The following WDR26 variants were observed in gnomAD, a reference collection of about 807,000 sequenced individuals.
The protein encoded by WDR26 is WD repeat domain 26.
A neutral mutation model predicts 84.1 loss-of-function variants in WDR26; 5 were observed. The observed-to-expected ratio is 0.06, with a 90% CI of 0.03 to 0.13. The LOEUF (loss-of-function observed/expected upper bound fraction) is 0.13, where lower values mean the gene tolerates loss of function less well. Ranked by LOEUF, WDR26 falls within the 10% of genes least tolerant of loss-of-function variation. WDR26 has a pLI of 1.00. For missense variants in WDR26, 642 were observed against 974.9 expected, an observed-to-expected ratio of 0.66 and a Z score of 4.55; for synonymous variants, 415 against 389.6, an observed-to-expected ratio of 1.07 and a Z score of -0.77.
At chr1:224,410,057 G>C (rs1047607356) in intron 7 of WDR26, among the ~76,000 whole-genome samples, 6 of 151,950 alleles carry the variant, frequency 3.9e-5, no homozygotes, top group African/African-American at 1.5e-4. Context: ...GAGGAGGGCA[G>C]ATCACCTGAG....
At chr1:224,407,604 G>GT (rs764631285) in intron 7 of WDR26, among the ~76,000 whole-genome samples, 39 of 151,168 alleles carry the variant, frequency 2.6e-4, no homozygotes, top group Non-Finnish European at 5.2e-4. Context: ...CGCCTCCCAG[G>GT]TTCAAGCAAT....
intron 10 of WDR26, 53 bp downstream of exon 10, chr1:224,398,836 C>T: frequency 3.1e-6 from 5 of 1,602,028 alleles, no homozygotes; most frequent in South Asian, 1.1e-5. Flanking sequence ...TTCCACTACA[C>T]ATTTGAATAT....
chr1:224,391,102 T>C (rs994545445), intron 13 of WDR26, among the ~76,000 whole-genome samples: 1 of 151,858 alleles, frequency 6.6e-6, no homozygotes, highest in Non-Finnish European at 1.5e-5. Context: ...AAAAATATCA[T>C]GCCTGTAATC....
Position 224,411,164 on chromosome 1 carries a change from G to T in WDR26, c.1458+263C>A, listed in dbSNP as rs189869739. Among the ~76,000 whole-genome samples, 77 of 152,274 alleles carry T rather than the reference G, an allele frequency of 5.1e-4. 1 individual carries two copies. The highest frequency in any genetic ancestry group is 1.8e-3 in the African/African-American group (73 of 41,540). Reference sequence around the variant, plus strand: ...CCTCATCTGACTGCAGGAGATGTTAGCACCTCACAGAGTTTTTCAGAATAT... The same window carrying T: ...CCTCATCTGACTGCAGGAGATGTTATCACCTCACAGAGTTTTTCAGAATAT... On this transcript the variant is annotated intron_variant, in intron 7 of 13. Transcript: ENST00000414423.
At position 224,389,277 on chromosome 1, in the gene WDR26, C is replaced by G. The variant is rs1039406782; in HGVS notation, c.*558G>C. 13 of 169,310 alleles carry G rather than the reference C, an allele frequency of 7.7e-5. No individual in the cohort carries two copies. The highest frequency in any genetic ancestry group is 6.4e-4 in the Admixed American group (10 of 15,746). 10.5% of individuals were successfully genotyped at this position (169,310 alleles called of 1,614,324 possible). A position where few individuals can be genotyped will look rare whatever the true frequency, so the allele number is the denominator to read the frequency against. On this transcript the variant is annotated 3_prime_UTR_variant, in exon 14 of 14. Transcript: ENST00000414423. ...TTGACATAGTTCACTGGTTTATCAT[C>G]TGGATCAGTATATACTGCGCAACGG...
At chr1:224,412,071 A>G (rs1673756020) in intron 6 of WDR26, among the ~76,000 whole-genome samples, 1 of 152,162 alleles carries the variant, frequency 6.6e-6, no homozygotes, top group African/African-American at 2.4e-5. Context: ...CTCACTCACA[A>G]GCTTTAATGT....
At chr1:224,426,819 G>A (rs565546534) in intron 3 of WDR26, among the ~76,000 whole-genome samples, 15 of 151,672 alleles carry the variant, frequency 9.9e-5, no homozygotes, top group Admixed American at 7.2e-4. Context: ...TCATTCCACC[G>A]GGTGTGGTGG....
chr1:224,406,746 T>G (rs1024383298), intron 7 of WDR26, among the ~76,000 whole-genome samples: 2 of 152,078 alleles, frequency 1.3e-5, no homozygotes, highest in Non-Finnish European at 2.9e-5. Context: ...CTCAAGATCT[T>G]CCAGGAACAA....
rs1421811747 is a variant in WDR26 at position 224,407,199 on chromosome 1, GA to G, written c.1459-2630del. 4.4e-4 allele frequency among the ~76,000 whole-genome samples: 42 copies of G among 96,320 alleles called. 2 individuals are homozygous for G. Among genetic ancestry groups the G allele is most frequent in the African/African-American group, 1.6e-3 (40 of 24,474 alleles). The allele number at this position is 96,320 out of a possible 152,430, so 63.2% of individuals were successfully genotyped here. Reference sequence around the variant, plus strand: ...CTCAAAAACTTTTATGTACATGAATGAAAAAAATATAATCCTATAAAAGATA... The same window carrying G: ...CTCAAAAACTTTTATGTACATGAATGAAAAAATATAATCCTATAAAAGATA... On this transcript the variant is annotated intron_variant, in intron 7 of 13. Transcript: ENST00000414423.
At chr1:224,424,818 G>A (rs1249498451) in intron 3 of WDR26, 164 bp from the exon 4 acceptor site, 14 of 784,658 alleles carry the variant, frequency 1.8e-5, no homozygotes, top group Non-Finnish European at 2.6e-5. Context: ...TAGAGCCACA[G>A]TAGATTAAAT....
intron 3 of WDR26, chr1:224,430,648 TTC>T (rs1236160847): frequency 6.6e-6 from 1 of 152,208 alleles, no homozygotes; most frequent in Non-Finnish European, 1.5e-5. Context: ...CCTATTTGCC[TTC>T]TTTCTCTCCC....
Position 224,431,694 on chromosome 1 carries a change from T to C in WDR26, c.810A>G (p.Gly270=), listed in dbSNP as rs1173825327. ...TGCCCTACTTTACCTTATCCCAGTCTCCTTCCATGACATGATTTCGGAATT... is the reference window on the plus strand; with the variant it reads ...TGCCCTACTTTACCTTATCCCAGTCCCCTTCCATGACATGATTTCGGAATT... Residue 270 remains glycine (G), a synonymous_variant, in exon 2 of 14, where the codon GGA becomes GGG. Transcript: ENST00000414423. 1 of 1,613,720 alleles carries C rather than the reference T, an allele frequency of 6.2e-7. No homozygotes were observed. Among genetic ancestry groups the C allele is most frequent in the Admixed American group, 1.7e-5 (1 of 60,006 alleles).
intron 6 of WDR26, among the ~76,000 whole-genome samples, chr1:224,417,238 G>T (rs1673931353): frequency 6.6e-6 from 1 of 152,092 alleles, no homozygotes; most frequent in Non-Finnish European, 1.5e-5. Flanking sequence ...ATATGTTTTT[G>T]TCCTTATTTA....
chr1:224,407,373 A>G (rs1673611712), intron 7 of WDR26, among the ~76,000 whole-genome samples: 1 of 148,264 alleles, frequency 6.7e-6, no homozygotes, highest in Non-Finnish European at 1.5e-5. Context: ...TTTTAGGCAA[A>G]GAAAAACTGT....
intron 7 of WDR26, among the ~76,000 whole-genome samples, chr1:224,409,932 C>A (rs369411263): frequency 7.9e-5 from 12 of 151,828 alleles, no homozygotes; most frequent in East Asian, 3.9e-4. Flanking sequence ...TTTCTCAACA[C>A]GGGAGCCCAA....
chr1:224,427,280 TA>T (rs1013131030), intron 3 of WDR26, among the ~76,000 whole-genome samples: 3 of 151,568 alleles, frequency 2.0e-5, no homozygotes, highest in African/African-American at 4.8e-5. Context: ...TTGAGGGGCT[TA>T]AAAAAAAATT....
rs969566529 is a variant in WDR26, at chr1:224,424,502, A to C, written c.1064+16T>G. ...GGCCCTCCATTAACCTGAGTTCAAG[A>C]ACTCAGTTTCCTTACCCACTAAGAA... is the stretch of plus-strand genomic sequence containing the variant. On this transcript the variant is annotated intron_variant, in intron 4 of 13. Coordinates refer to ENST00000414423, the MANE Select transcript of WDR26 (RefSeq NM_001379403.1). 8.7e-6 allele frequency: 14 copies of C among 1,612,934 alleles called. No individual in the cohort carries two copies. Among genetic ancestry groups the C allele is most frequent in the Non-Finnish European group, 1.2e-5 (14 of 1,179,546 alleles).
intron 7 of WDR26, among the ~76,000 whole-genome samples, chr1:224,407,150 AAATAT>A (rs1325348797): frequency 1.5e-5 from 1 of 65,764 alleles, no homozygotes; most frequent in African/African-American, 5.5e-5. Context: ...AAAAAAAAAA[AAATAT>A]ATATATATAT....
intron 4 of WDR26, among the ~76,000 whole-genome samples, chr1:224,422,580 T>C (rs892856112): frequency 6.6e-5 from 10 of 152,098 alleles, no homozygotes; most frequent in Non-Finnish European, 1.5e-4. Context: ...CCGGGTGTGG[T>C]GGCGCATGCC....
Sources: gnomAD v4.1 joint callset for allele counts (sites outside exome capture counted in the v4.1 genomes callset) on GRCh38, gnomAD v4.1.1 for gene constraint, MANE v1.5 for transcripts, NCBI Gene and HGNC (gene_info 2026-07-23, HGNC 2026-07-21) for gene names.